Variants in KAZN observed in about 807,000 individuals in gnomAD.
The protein encoded by KAZN is kazrin.
A neutral mutation model predicts 87.4 loss-of-function variants in KAZN; 40 were observed. The observed-to-expected ratio is 0.46, with a 90% confidence interval of 0.36 to 0.60. The LOEUF is 0.60. KAZN is among the 20% of genes least tolerant of loss of function. The pLI is 0.00. For synonymous variants in KAZN, 466 were observed against 458.3 expected (o/e 1.02, Z -0.22); for missense variants, 898 against 1,073.9 (o/e 0.84, Z 2.29).
intron 8 of KAZN, among the ~76,000 whole-genome samples, chr1:15,092,073 A>ATT (rs58871336): frequency 0.012 from 921 of 75,474 alleles, 49 homozygotes; most frequent in African/African-American, 0.047. Context: ...TTTTTTTTTG[A>ATT]TTTTTTTTTT....
At chr1:14,971,456 G>A (rs1490709646) in intron 2 of KAZN, among the ~76,000 whole-genome samples, 1 of 152,088 alleles carries the variant, frequency 6.6e-6, no homozygotes, top group Non-Finnish European at 1.5e-5. Context: ...AGGTTTTGGA[G>A]CCAAAGCTTG....
In KAZN at chr1:15,027,671, A is replaced by AG. The variant is rs142524016; in HGVS notation, c.419-7072dup. On this transcript the variant is annotated intron_variant, in intron 2 of 14. Coordinates refer to ENST00000376030, the MANE Select transcript of KAZN (RefSeq NM_201628.3). Reference sequence around the variant, plus strand: ...GTCAGGAACATTGCATGGAAAAGAAAGGGGGGCCCCCTGCTGGCAGCAGCT... The same window carrying AG: ...GTCAGGAACATTGCATGGAAAAGAAAGGGGGGGCCCCCTGCTGGCAGCAGCT... 9.5e-3 allele frequency among the ~76,000 whole-genome samples: 1,449 copies of AG among 152,318 alleles called. 18 individuals are homozygous for AG. The highest frequency in any genetic ancestry group is 0.033 in the African/African-American group (1,373 of 41,566).
At chr1:14,917,567 TG>T (rs1309730045) in intron 1 of KAZN, among the ~76,000 whole-genome samples, 2 of 152,258 alleles carry the variant, frequency 1.3e-5, no homozygotes, top group African/African-American at 4.8e-5. Flanking sequence ...GCTTTTTATG[TG>T]TGCCTCATCT....
chr1:14,739,140 G>A (rs773752797), intron 1 of KAZN, among the ~76,000 whole-genome samples: 14 of 152,146 alleles, frequency 9.2e-5, no homozygotes, highest in Admixed American at 9.2e-4. Context: ...ATTGCACCAC[G>A]GCACTCCAGC....
intron 2 of KAZN, among the ~76,000 whole-genome samples, chr1:15,000,784 G>T (rs1668384804): frequency 6.6e-6 from 1 of 151,944 alleles, no homozygotes; most frequent in Admixed American, 6.6e-5. Context: ...TGTACGTTTG[G>T]ATCAACATTA....
At chr1:14,922,941 CTG>C (rs1024993883) in intron 1 of KAZN, among the ~76,000 whole-genome samples, 9 of 152,158 alleles carry the variant, frequency 5.9e-5, no homozygotes, top group Non-Finnish European at 1.3e-4. Context: ...GGCCAGGCCA[CTG>C]TGGTTGCTGA....
At chr1:14,539,966 C>G (rs1672712754) in intron 2 of KAZN, among the ~76,000 whole-genome samples, 1 of 152,140 alleles carries the variant, frequency 6.6e-6, no homozygotes, top group Admixed American at 6.5e-5. Flanking sequence ...CCCGCCATCC[C>G]CATCCCATTG....
At chr1:14,201,230 C>A (rs946910905) in intron 2 of KAZN, among the ~76,000 whole-genome samples, 1 of 152,172 alleles carries the variant, frequency 6.6e-6, no homozygotes, top group Admixed American at 6.5e-5. Context: ...CTAAACCTCT[C>A]GTCTTTCCTC....
chr1:13,923,433 C>T (rs1226914734), intron 1 of KAZN, among the ~76,000 whole-genome samples: 1 of 151,652 alleles, frequency 6.6e-6, no homozygotes, highest in East Asian at 1.9e-4. Flanking sequence ...ATTAGCCGGG[C>T]GTGGTGGCAG....
chr1:14,035,596 A>T (rs1170822051), intron 1 of KAZN, among the ~76,000 whole-genome samples: 1 of 121,924 alleles, frequency 8.2e-6, no homozygotes, highest in African/African-American at 3.2e-5. Flanking sequence ...CAGCCCCTCA[A>T]GTAGCTGGGA....
intron 1 of KAZN, among the ~76,000 whole-genome samples, chr1:14,110,596 G>T (rs1644483232): frequency 7.3e-6 from 1 of 137,054 alleles, no homozygotes; most frequent in Non-Finnish European, 1.6e-5. Flanking sequence ...TGCATGACTT[G>T]GAATGATACA....
chr1:14,587,165 G>C (rs924492744), intron 2 of KAZN, among the ~76,000 whole-genome samples: 1 of 152,158 alleles, frequency 6.6e-6, no homozygotes, highest in Non-Finnish European at 1.5e-5. Context: ...GCCAGGCGCG[G>C]TGGCTCATGC....
At chr1:14,015,459 CTTTTTTTTTTTTTTTTTTTTTTTTT>C (rs70987713) in intron 1 of KAZN, among the ~76,000 whole-genome samples, 1 of 25,066 alleles carries the variant, frequency 4.0e-5, no homozygotes, top group Non-Finnish European at 8.5e-5. Flanking sequence ...GTTACATCTA[CTTTTTTTTTTTTTTTTTTTTTTTTT>C]TTTTTTTTTT....
At chr1:14,527,409 C>T (rs1168259530) in intron 2 of KAZN, among the ~76,000 whole-genome samples, 3 of 151,996 alleles carry the variant, frequency 2.0e-5, no homozygotes, top group Non-Finnish European at 4.4e-5. Flanking sequence ...ATTAGCCAGG[C>T]GTGGTGGCGG....
chr1:14,099,168 A>G (rs1553127993), intron 1 of KAZN, among the ~76,000 whole-genome samples: 2 of 152,144 alleles, frequency 1.3e-5, no homozygotes, highest in Non-Finnish European at 2.9e-5. Context: ...ATAAGGAATC[A>G]GGGCCCTTTG....
intron 13 of KAZN, among the ~76,000 whole-genome samples, chr1:15,111,159 GCT>G (rs1641598289): frequency 6.6e-6 from 1 of 152,164 alleles, no homozygotes; most frequent in African/African-American, 2.4e-5. Context: ...TTCAATCAGT[GCT>G]GTCTCCTACA....
chr1:14,351,001 G>A (rs1339664958), intron 2 of KAZN: 1 of 152,246 alleles, frequency 6.6e-6, no homozygotes, highest in Non-Finnish European at 1.5e-5. Flanking sequence ...GGGTGGTCTG[G>A]TGTGATTTTG....
At chr1:14,180,524 C>A in exon 2 of KAZN, 1 of 1,550,386 alleles carries the variant, frequency 6.5e-7, no homozygotes, top group Admixed American at 2.0e-5. Context: ...AGACCCTTTT[C>A]TACCCACTGA....
chr1:14,992,594 A>G (rs1227309380), intron 2 of KAZN, among the ~76,000 whole-genome samples: 5 of 152,206 alleles, frequency 3.3e-5, no homozygotes, highest in Non-Finnish European at 7.3e-5. Context: ...AGCCCTTGGC[A>G]CCTCAAGAGT....
Sources: allele counts gnomAD v4.1 joint callset (sites outside exome capture counted in the v4.1 genomes callset), GRCh38; gene constraint gnomAD v4.1.1; transcripts MANE v1.5; gene names NCBI Gene and HGNC (gene_info 2026-07-23, HGNC 2026-07-21).